The following NMNAT3 variants were observed in gnomAD, a reference collection of about 807,000 sequenced individuals.
The protein encoded by NMNAT3 is nicotinamide/nicotinic acid mononucleotide adenylyltransferase 3.
A neutral mutation model predicts 24.8 loss-of-function variants in NMNAT3; 21 were observed. The observed-to-expected ratio is 0.85, with a 90% confidence interval of 0.60 to 1.22. NMNAT3 has a LOEUF of 1.22. NMNAT3 is among the 50% of genes most tolerant of loss of function. The pLI is 0.00. For missense variants in NMNAT3, 387 were observed against 436.6 expected (o/e 0.89, Z 1.01); for synonymous variants, 136 against 155.2 (o/e 0.88, Z 0.92).
At chr3:139,569,444 T>A (rs1431320970) in intron 6 of NMNAT3, 1 of 152,264 alleles carries the variant, frequency 6.6e-6, no homozygotes, top group Non-Finnish European at 1.5e-5. Context: ...GCCTTGATGA[T>A]CTTTACAATT....
chr3:139,561,319 A>G lies in NMNAT3; in HGVS notation c.732T>C (p.Asp244=). The G allele has an allele frequency of 6.2e-7, 1 of 1,614,112 alleles. No individual in the cohort carries two copies. Among genetic ancestry groups the G allele is most frequent in the South Asian group, 1.1e-5 (1 of 91,062 alleles). The change falls in exon 7 of 7, where the codon GAT becomes GAC. Residue 244 remains aspartate (D), a synonymous_variant. Coordinates refer to ENST00000643695, the MANE Select transcript of NMNAT3 (RefSeq NM_001320510.2). ...TCTCCACTATTTCCTGGATGTGCGC[A>G]TCCTTCCAGAGGTTGGGGGTCTGGA... is the stretch of plus-strand genomic sequence containing the variant.
At chr3:139,659,966 C>T (rs566151514) in intron 1 of NMNAT3, among the ~76,000 whole-genome samples, 2 of 152,190 alleles carry the variant, frequency 1.3e-5, no homozygotes, top group South Asian at 4.1e-4. Flanking sequence ...TGGGGCCCAG[C>T]AACTTGGGTC....
intron 1 of NMNAT3, among the ~76,000 whole-genome samples, chr3:139,648,391 T>C (rs1011150993): frequency 6.6e-5 from 10 of 152,218 alleles, no homozygotes; most frequent in South Asian, 2.1e-4. Flanking sequence ...TGGACTGATA[T>C]ATGTAGGTTA....
At chr3:139,606,684 T>A (rs2054960770) in intron 3 of NMNAT3, among the ~76,000 whole-genome samples, 1 of 152,242 alleles carries the variant, frequency 6.6e-6, no homozygotes, top group African/African-American at 2.4e-5. Flanking sequence ...AGTTATTTTC[T>A]ATTTCTGACA....
Position 139,663,380 on chromosome 3 carries a change from C to T in NMNAT3, c.-141+14325G>A, listed in dbSNP as rs117043989. On this transcript the variant is annotated intron_variant, in intron 1 of 6. Coordinates refer to ENST00000643695, the MANE Select transcript of NMNAT3 (RefSeq NM_001320510.2). ...TTTAATTTCATCTGCAATCTTAATGCCCCCATGCCACAGAACCAAACACAT... is the reference window on the plus strand; with the variant it reads ...TTTAATTTCATCTGCAATCTTAATGTCCCCATGCCACAGAACCAAACACAT... Among the ~76,000 whole-genome samples the T allele has an allele frequency of 5.1e-4, 78 of 152,290 alleles. 1 individual carries two copies. In the East Asian group the frequency reaches 0.014, roughly 28 times the overall value.
intron 1 of NMNAT3, among the ~76,000 whole-genome samples, chr3:139,675,673 C>T (rs2057907236): frequency 6.6e-6 from 1 of 152,178 alleles, no homozygotes; most frequent in African/African-American, 2.4e-5. Flanking sequence ...ACTCCTATCC[C>T]TCTCCCGCCT....
At chr3:139,574,553 T>C (rs1938998744) in intron 5 of NMNAT3, among the ~76,000 whole-genome samples, 1 of 152,238 alleles carries the variant, frequency 6.6e-6, no homozygotes. Context: ...TTGTATCAAT[T>C]TGATCTTCCA....
chr3:139,574,104 G>A (rs1214259645), intron 5 of NMNAT3, among the ~76,000 whole-genome samples: 1 of 152,230 alleles, frequency 6.6e-6, no homozygotes, highest in Non-Finnish European at 1.5e-5. Flanking sequence ...TCTTGTGAAG[G>A]TGAATGAGCC....
Position 139,568,018 on chromosome 3 carries a change from A to C in NMNAT3, c.658+5580T>G, listed in dbSNP as rs1225760472. The C allele has an allele frequency of 2.1e-3, 316 of 152,130 alleles. 2 individuals carry two copies. The highest frequency in any genetic ancestry group is 7.4e-3 in the African/African-American group (308 of 41,440). The allele number at this position is 152,130 out of a possible 1,614,324, so 9.4% of individuals were successfully genotyped here. A position where few individuals can be genotyped will look rare whatever the true frequency, so the allele number is the denominator to read the frequency against. On this transcript the variant is annotated intron_variant, in intron 6 of 6. Coordinates refer to ENST00000643695, the MANE Select transcript of NMNAT3 (RefSeq NM_001320510.2). ...CTATTGATTATTGCCTCAATTTCAG[A>C]GCCTATTATTGGTCTATTCAGAGAT...
intron 1 of NMNAT3, among the ~76,000 whole-genome samples, chr3:139,671,650 G>GA (rs1479285753): frequency 6.6e-6 from 1 of 151,800 alleles, no homozygotes; most frequent in African/African-American, 2.4e-5. Context: ...ATTAAGACAA[G>GA]AATGATCAAC....
chr3:139,576,681 G>C (rs996532376), intron 5 of NMNAT3, among the ~76,000 whole-genome samples: 24 of 152,074 alleles, frequency 1.6e-4, no homozygotes, highest in Non-Finnish European at 3.1e-4. Context: ...CCAATGACAT[G>C]GGTACTTTTA....
intron 1 of NMNAT3, among the ~76,000 whole-genome samples, chr3:139,653,450 CCTA>C (rs1187114869): frequency 2.6e-5 from 4 of 152,170 alleles, no homozygotes; most frequent in Non-Finnish European, 4.4e-5. Flanking sequence ...ATCAGCAAAA[CCTA>C]CTCTTTCCTT....
intron 4 of NMNAT3, among the ~76,000 whole-genome samples, chr3:139,581,706 G>C (rs1477805348): frequency 1.3e-5 from 2 of 152,130 alleles, no homozygotes; most frequent in African/African-American, 4.8e-5. Flanking sequence ...GGAGAGCGTG[G>C]AAGTGTGCTG....
rs564797687 is a variant in NMNAT3 at position 139,645,833 on chromosome 3, T to A, written c.-140-7771A>T. Among the ~76,000 whole-genome samples the A allele has an allele frequency of 2.0e-5, 3 of 152,318 alleles. No homozygotes were observed. In the South Asian group the frequency reaches 6.2e-4, roughly 32 times the overall value. ...GAAGAAGGGAGAAACAGATATTGGATAGGCAAACTGGCCATTTGTGACTCA... is the reference window on the plus strand; with the variant it reads ...GAAGAAGGGAGAAACAGATATTGGAAAGGCAAACTGGCCATTTGTGACTCA... On this transcript the variant is annotated intron_variant, in intron 1 of 6. Transcript: ENST00000643695.
chr3:139,641,894 G>A (rs2056716074), intron 1 of NMNAT3, among the ~76,000 whole-genome samples: 2 of 152,148 alleles, frequency 1.3e-5, no homozygotes, highest in Non-Finnish European at 2.9e-5. Flanking sequence ...TAAGAGGCAT[G>A]AGAACCATAG....
intron 1 of NMNAT3, among the ~76,000 whole-genome samples, chr3:139,645,170 C>A (rs1345329754): frequency 6.6e-6 from 1 of 152,010 alleles, no homozygotes; most frequent in Non-Finnish European, 1.5e-5. Context: ...CCACTGCACT[C>A]CAGCCTGGGT....
intron 3 of NMNAT3, among the ~76,000 whole-genome samples, chr3:139,617,756 T>G (rs1024703562): frequency 6.6e-6 from 1 of 152,222 alleles, no homozygotes; most frequent in Non-Finnish European, 1.5e-5. Flanking sequence ...AAACAGAATT[T>G]AAATGTAATT....
At chr3:139,629,183 A>G (rs1576686642) in intron 2 of NMNAT3, among the ~76,000 whole-genome samples, 1 of 152,102 alleles carries the variant, frequency 6.6e-6, no homozygotes, top group Admixed American at 6.6e-5. Flanking sequence ...TTACTTGCTC[A>G]CCCTGATGCA....
At chr3:139,666,705 C>T (rs374508746) in intron 1 of NMNAT3, among the ~76,000 whole-genome samples, 3 of 152,100 alleles carry the variant, frequency 2.0e-5, no homozygotes, top group African/African-American at 7.2e-5. Context: ...ATGTTTGTAC[C>T]TATTAACCAA....
Sources: gnomAD v4.1 joint callset for allele counts (sites outside exome capture counted in the v4.1 genomes callset) on GRCh38, gnomAD v4.1.1 for gene constraint, MANE v1.5 for transcripts, NCBI Gene and HGNC (gene_info 2026-07-23, HGNC 2026-07-21) for gene names.